Variants in GPC6 observed in about 807,000 individuals in gnomAD.
GPC6 encodes glypican 6.
In GPC6, 14 loss-of-function variants were observed where a neutral mutation model predicts 55.2. That is an observed-to-expected ratio of 0.25 (90% CI 0.17 to 0.40). The LOEUF is 0.40. Among genes scored for constraint, GPC6 ranks in the 10% least tolerant of loss-of-function variants. The pLI, the probability that GPC6 is intolerant of heterozygous loss-of-function variation, is 1.00. For synonymous variants in GPC6, 278 were observed against 259.6 expected (o/e 1.07, Z -0.68); for missense variants, 641 against 708.5 (o/e 0.90, Z 1.08).
chr13:94,085,558 T>C lies in GPC6; in HGVS notation c.877+57664T>C, dbSNP rs140316529. 3.8e-3 allele frequency among the ~76,000 whole-genome samples: 575 copies of C among 152,236 alleles called. 3 individuals carry two copies. Among genetic ancestry groups the C allele is most frequent in the African/African-American group, 0.013 (541 of 41,540 alleles). ...TCTTTCGGGATATAATAAGAGTCTATGTACACATAATAGTATCTTGCATTT... is the reference window on the plus strand; with the variant it reads ...TCTTTCGGGATATAATAAGAGTCTACGTACACATAATAGTATCTTGCATTT... On this transcript the variant is annotated intron_variant, in intron 4 of 8. Transcript: ENST00000377047.
chr13:93,407,279 GAA>G (rs1876329499), intron 1 of GPC6, among the ~76,000 whole-genome samples: 1 of 151,916 alleles, frequency 6.6e-6, no homozygotes, highest in Admixed American at 6.6e-5. Context: ...GAGAGAGAGA[GAA>G]AAAAGCAAAT....
At chr13:94,249,246 C>G (rs1388410447) in intron 4 of GPC6, among the ~76,000 whole-genome samples, 1 of 152,142 alleles carries the variant, frequency 6.6e-6, no homozygotes, top group African/African-American at 2.4e-5. Flanking sequence ...TGATCCCATA[C>G]CCTGCTCCTC....
intron 3 of GPC6, among the ~76,000 whole-genome samples, chr13:93,872,183 A>G (rs1889151043): frequency 6.6e-6 from 1 of 151,908 alleles, no homozygotes; most frequent in Admixed American, 6.6e-5. Context: ...TGCTTCCTGA[A>G]GATGTTTTGA....
chr13:94,302,715 G>C (rs781489496), intron 5 of GPC6, among the ~76,000 whole-genome samples: 13 of 152,166 alleles, frequency 8.5e-5, no homozygotes, highest in Non-Finnish European at 1.0e-4. Flanking sequence ...GGGAACTTCT[G>C]TAATGGAGGG....
intron 4 of GPC6, among the ~76,000 whole-genome samples, chr13:94,197,778 CTG>C (rs1283627413): frequency 2.0e-5 from 3 of 152,134 alleles, no homozygotes; most frequent in Non-Finnish European, 4.4e-5. Context: ...TGCATCTAGT[CTG>C]TAAATGTTTT....
intron 1 of GPC6, among the ~76,000 whole-genome samples, chr13:93,423,149 A>G (rs1412806606): frequency 6.6e-6 from 1 of 152,178 alleles, no homozygotes. Context: ...TCTGCCTCAT[A>G]TGATTCTGTT....
At chr13:94,082,859 A>T (rs1174791608) in intron 4 of GPC6, among the ~76,000 whole-genome samples, 1 of 152,164 alleles carries the variant, frequency 6.6e-6, no homozygotes, top group African/African-American at 2.4e-5. Flanking sequence ...GTTTATCATC[A>T]ATTCGTCTCT....
chr13:93,682,714 A>T (rs1881893769), intron 2 of GPC6, among the ~76,000 whole-genome samples: 1 of 152,044 alleles, frequency 6.6e-6, no homozygotes, highest in Non-Finnish European at 1.5e-5. Flanking sequence ...AGAAAATGAG[A>T]GAAAATGAAA....
At chr13:93,313,584 G>A (rs954579888) in intron 1 of GPC6, among the ~76,000 whole-genome samples, 9 of 151,890 alleles carry the variant, frequency 5.9e-5, no homozygotes, top group East Asian at 1.9e-4. Flanking sequence ...TATCCACTCC[G>A]GTGTAACCCG....
At chr13:94,077,415 G>T (rs980731413) in intron 4 of GPC6, among the ~76,000 whole-genome samples, 5 of 151,706 alleles carry the variant, frequency 3.3e-5, no homozygotes, top group Admixed American at 6.6e-5. Context: ...CATGTCATTT[G>T]CATATAGAGA....
At chr13:93,953,801 G>C (rs572488570) in intron 3 of GPC6, among the ~76,000 whole-genome samples, 5 of 151,992 alleles carry the variant, frequency 3.3e-5, no homozygotes, top group Non-Finnish European at 5.9e-5. Context: ...GAAACTTTAG[G>C]TTGAGTCATA....
chr13:93,538,885 C>A (rs572572672), intron 1 of GPC6, among the ~76,000 whole-genome samples: 4 of 151,768 alleles, frequency 2.6e-5, no homozygotes, highest in Non-Finnish European at 5.9e-5. Flanking sequence ...TTTAAATACT[C>A]ATGGGTATGT....
chr13:93,283,995 C>T (rs1045733549), intron 1 of GPC6, among the ~76,000 whole-genome samples: 1 of 152,174 alleles, frequency 6.6e-6, no homozygotes, highest in Admixed American at 6.5e-5. Flanking sequence ...CTAGAATTGA[C>T]AACTGTACAT....
chr13:94,221,758 C>G (rs1890391839), intron 4 of GPC6, among the ~76,000 whole-genome samples: 1 of 152,030 alleles, frequency 6.6e-6, no homozygotes, highest in Non-Finnish European at 1.5e-5. Context: ...TTGGTACAGA[C>G]TAACAAGACT....
At chr13:93,251,007 G>A (rs528876115) in intron 1 of GPC6, among the ~76,000 whole-genome samples, 1 of 152,106 alleles carries the variant, frequency 6.6e-6, no homozygotes, top group Non-Finnish European at 1.5e-5. Flanking sequence ...AGCGAAAGGG[G>A]TTTGCTCTTA....
At chr13:93,284,061 G>A (rs1277709391) in intron 1 of GPC6, among the ~76,000 whole-genome samples, 1 of 152,202 alleles carries the variant, frequency 6.6e-6, no homozygotes, top group Non-Finnish European at 1.5e-5. Context: ...AGTTTACTGT[G>A]CTAGCTTTGT....
chr13:93,994,659 G>A (rs1047084713), intron 3 of GPC6, among the ~76,000 whole-genome samples: 3 of 152,140 alleles, frequency 2.0e-5, no homozygotes, highest in Non-Finnish European at 4.4e-5. Context: ...GAAGATAGTG[G>A]TTCTGTAAGG....
chr13:93,557,546 T>C (rs1443227588), intron 2 of GPC6, among the ~76,000 whole-genome samples: 1 of 152,208 alleles, frequency 6.6e-6, no homozygotes, highest in East Asian at 1.9e-4. Context: ...TTACTGACTT[T>C]GTTCCCTTGA....
At chr13:94,370,751 A>G (rs1314522950) in intron 6 of GPC6, among the ~76,000 whole-genome samples, 1 of 152,248 alleles carries the variant, frequency 6.6e-6, no homozygotes. Flanking sequence ...ATTCCGAATG[A>G]TAAACAACCA....
Sources: allele counts gnomAD v4.1 joint callset (sites outside exome capture counted in the v4.1 genomes callset), GRCh38; gene constraint gnomAD v4.1.1; transcripts MANE v1.5; gene names NCBI Gene and HGNC (gene_info 2026-07-23, HGNC 2026-07-21).